MCTP1: variants seen among roughly 807,000 people sequenced by gnomAD.
MCTP1 encodes the protein multiple C2 and transmembrane domain-containing protein 1.
A neutral mutation model predicts 120.6 loss-of-function variants in MCTP1; 69 were observed. The ratio of observed to expected loss-of-function variants is 0.57; its 90% confidence interval spans 0.47 to 0.70. MCTP1 has a LOEUF of 0.70. Ranked by LOEUF, MCTP1 falls within the 30% of genes least tolerant of loss-of-function variation. The pLI is 0.00. For synonymous variants in MCTP1, 529 were observed against 493.1 expected, an observed-to-expected ratio of 1.07 and a Z score of -0.96; for missense variants, 1,203 against 1,248.8, an observed-to-expected ratio of 0.96 and a Z score of 0.55.
intron 17 of MCTP1, among the ~76,000 whole-genome samples, chr5:94,864,184 G>C (rs148016698): frequency 1.2e-4 from 19 of 152,022 alleles, no homozygotes; most frequent in African/African-American, 3.9e-4. Flanking sequence ...GCTCAGGACA[G>C]AGGGCTGAAG....
chr5:95,279,024 A>C (rs1444021156), intron 1 of MCTP1, among the ~76,000 whole-genome samples: 1 of 152,110 alleles, frequency 6.6e-6, no homozygotes, highest in East Asian at 1.9e-4. Flanking sequence ...CGATATTATA[A>C]ATAGATATAG....
chr5:95,038,650 A>G (rs747437327), intron 1 of MCTP1, among the ~76,000 whole-genome samples: 2 of 152,238 alleles, frequency 1.3e-5, no homozygotes, highest in African/African-American at 2.4e-5. Flanking sequence ...TCTCTTCACC[A>G]TCCCTTTTCC....
intron 19 of MCTP1, among the ~76,000 whole-genome samples, chr5:94,748,584 A>G (rs1283051604): frequency 1.3e-5 from 2 of 152,220 alleles, no homozygotes; most frequent in Non-Finnish European, 2.9e-5. Context: ...TCTGTGGGGC[A>G]AGTTTTTATT....
intron 1 of MCTP1, among the ~76,000 whole-genome samples, chr5:95,078,909 G>A (rs1197859493): frequency 6.6e-6 from 1 of 152,114 alleles, no homozygotes; most frequent in African/African-American, 2.4e-5. Flanking sequence ...TTATTATACA[G>A]TCTGATTTAA....
At chr5:94,954,702 A>T (rs1370230536) in intron 2 of MCTP1, among the ~76,000 whole-genome samples, 1 of 152,214 alleles carries the variant, frequency 6.6e-6, no homozygotes, top group South Asian at 2.1e-4. Context: ...TAGTTTTAAC[A>T]GCATATATAC....
intron 1 of MCTP1, among the ~76,000 whole-genome samples, chr5:95,077,784 A>G (rs1753955708): frequency 6.6e-6 from 1 of 152,170 alleles, no homozygotes; most frequent in Non-Finnish European, 1.5e-5. Context: ...TTCGTTATAT[A>G]TAATTTTAAA....
intron 1 of MCTP1, among the ~76,000 whole-genome samples, chr5:95,271,005 A>G (rs1194039344): frequency 6.6e-6 from 1 of 152,038 alleles, no homozygotes; most frequent in African/African-American, 2.4e-5. Flanking sequence ...GCCCTACCAC[A>G]ATAGATAACA....
chr5:94,735,189 T>G (rs1763948708), intron 19 of MCTP1, among the ~76,000 whole-genome samples: 2 of 152,214 alleles, frequency 1.3e-5, no homozygotes, highest in South Asian at 4.1e-4. Context: ...GTTACCCATT[T>G]CCTTGCCAGG....
chr5:95,244,469 A>G (rs1191448033), intron 1 of MCTP1, among the ~76,000 whole-genome samples: 1 of 152,216 alleles, frequency 6.6e-6, no homozygotes, highest in Non-Finnish European at 1.5e-5. Flanking sequence ...ATGGTACACT[A>G]CTGACCAAAT....
intron 19 of MCTP1, among the ~76,000 whole-genome samples, chr5:94,744,843 G>A (rs1399656556): frequency 6.6e-6 from 1 of 152,032 alleles, no homozygotes; most frequent in East Asian, 1.9e-4. Flanking sequence ...ATTACATCCC[G>A]AGATTTGATA....
At chr5:95,044,024 C>G (rs1322252413) in intron 1 of MCTP1, among the ~76,000 whole-genome samples, 1 of 152,054 alleles carries the variant, frequency 6.6e-6, no homozygotes, top group Non-Finnish European at 1.5e-5. Context: ...TTAGTGTTCT[C>G]AAAAAAAGAA....
At chr5:94,821,575 A>G (rs552664782) in intron 17 of MCTP1, among the ~76,000 whole-genome samples, 12 of 152,288 alleles carry the variant, frequency 7.9e-5, no homozygotes, top group African/African-American at 2.9e-4. Flanking sequence ...TATTTCCATT[A>G]CTTCCATATT....
chr5:94,757,751 T>A (rs1230473651), intron 19 of MCTP1, among the ~76,000 whole-genome samples: 1 of 152,160 alleles, frequency 6.6e-6, no homozygotes, highest in Non-Finnish European at 1.5e-5. Context: ...GATGGATGAA[T>A]AAGTGAATAA....
intron 1 of MCTP1, among the ~76,000 whole-genome samples, chr5:95,246,028 A>C (rs1207157479): frequency 1.3e-5 from 2 of 152,230 alleles, no homozygotes; most frequent in East Asian, 3.9e-4. Context: ...AATATGCAAC[A>C]TTCTTAAAGA....
At chr5:95,065,427 G>T (rs1022781276) in intron 1 of MCTP1, among the ~76,000 whole-genome samples, 2 of 151,926 alleles carry the variant, frequency 1.3e-5, no homozygotes, top group South Asian at 2.1e-4. Context: ...ACCAATATGG[G>T]TTTATTCCAT....
At chr5:94,796,639 G>GTAATATATAATATATA (rs1780117218) in intron 18 of MCTP1, among the ~76,000 whole-genome samples, 1 of 66,244 alleles carries the variant, frequency 1.5e-5, no homozygotes, top group Non-Finnish European at 3.7e-5. Flanking sequence ...TATTATATAT[G>GTAATATATAATATATA]TAATATATAT....
chr5:94,902,276 T>C (rs577213082), intron 10 of MCTP1, among the ~76,000 whole-genome samples: 6 of 152,284 alleles, frequency 3.9e-5, no homozygotes, highest in African/African-American at 1.2e-4. Flanking sequence ...GAGCTCTATG[T>C]CAGCCACGAT....
chr5:95,014,203 C>T lies in MCTP1; in HGVS notation c.838+3164G>A, dbSNP rs112976248. Among the ~76,000 whole-genome samples, 30 of 152,012 alleles carry T rather than the reference C, an allele frequency of 2.0e-4. 1 individual carries two copies. Among genetic ancestry groups the T allele is most frequent in the East Asian group, 5.8e-4 (3 of 5,184 alleles). On this transcript the variant is annotated intron_variant, in intron 2 of 22. Transcript: ENST00000515393. ...GCATGAGTTCAGGAGTTGGAGGTTA[C>T]GGTATGTTTGTGCTACTGCACTCCA...
chr5:94,923,135 A>G (rs1812129648), intron 7 of MCTP1, among the ~76,000 whole-genome samples: 1 of 152,178 alleles, frequency 6.6e-6, no homozygotes, highest in African/African-American at 2.4e-5. Flanking sequence ...ACTACAACAA[A>G]TATTAAAATT....
Sources: allele counts gnomAD v4.1 joint callset (sites outside exome capture counted in the v4.1 genomes callset), GRCh38; gene constraint gnomAD v4.1.1; transcripts MANE v1.5; gene names NCBI Gene and HGNC (gene_info 2026-07-23, HGNC 2026-07-21).